The following LRRC4C variants were observed in gnomAD, a reference collection of about 807,000 sequenced individuals.
LRRC4C encodes the protein leucine-rich repeat-containing protein 4C.
LRRC4C carries 5 observed loss-of-function variants against 33.6 expected under a neutral mutation model. The observed-to-expected ratio is 0.15, with a 90% CI of 0.08 to 0.31. LRRC4C has a LOEUF of 0.31. Among genes scored for constraint, LRRC4C ranks in the 10% least tolerant of loss-of-function variants. The probability of loss-of-function intolerance (pLI) is 1.00; values close to 1 mark genes in which losing one functional copy is unlikely to be tolerated. For missense variants in LRRC4C, 560 were observed against 796.7 expected (o/e 0.70, Z 3.58); for synonymous variants, 329 against 302.0 (o/e 1.09, Z -0.93).
chr11:40,222,582 C>T (rs1055886954), intron 5 of LRRC4C, among the ~76,000 whole-genome samples: 3 of 152,280 alleles, frequency 2.0e-5, no homozygotes, highest in African/African-American at 7.2e-5. Context: ...TTTTCTCTAC[C>T]TCTGGGCATT....
At chr11:41,099,142 T>A (rs1388093733) in intron 1 of LRRC4C, among the ~76,000 whole-genome samples, 1 of 151,846 alleles carries the variant, frequency 6.6e-6, no homozygotes, top group Non-Finnish European at 1.5e-5. Flanking sequence ...TAGTAAGAAA[T>A]TGACTCCTGG....
intron 1 of LRRC4C, among the ~76,000 whole-genome samples, chr11:41,221,802 T>C (rs1405959160): frequency 2.0e-5 from 3 of 152,250 alleles, no homozygotes; most frequent in Non-Finnish European, 4.4e-5. Flanking sequence ...AGAGCTCAAC[T>C]GGCATAGAGA....
At chr11:40,653,733 A>G (rs1364231026) in intron 2 of LRRC4C, among the ~76,000 whole-genome samples, 3 of 152,238 alleles carry the variant, frequency 2.0e-5, no homozygotes, top group Admixed American at 1.3e-4. Context: ...AGAAATTTGC[A>G]TAAGTAATGA....
intron 3 of LRRC4C, among the ~76,000 whole-genome samples, chr11:40,423,499 C>T (rs1171095679): frequency 6.6e-6 from 1 of 151,904 alleles, no homozygotes; most frequent in Non-Finnish European, 1.5e-5. Flanking sequence ...CGCCCGCTAC[C>T]ACGCCCGGCT....
chr11:40,688,598 C>T (rs955794690), intron 2 of LRRC4C, among the ~76,000 whole-genome samples: 5 of 151,968 alleles, frequency 3.3e-5, no homozygotes, highest in East Asian at 1.9e-4. Flanking sequence ...GCTGAGAGTC[C>T]GATTGCTGCA....
intron 3 of LRRC4C, among the ~76,000 whole-genome samples, chr11:40,592,793 T>C (rs899683985): frequency 1.3e-5 from 2 of 152,134 alleles, no homozygotes; most frequent in Non-Finnish European, 2.9e-5. Flanking sequence ...GAAAGGTAAA[T>C]AGCAGTCTTA....
chr11:41,349,325 C>T (rs1951899372), intron 1 of LRRC4C, among the ~76,000 whole-genome samples: 1 of 152,178 alleles, frequency 6.6e-6, no homozygotes. Context: ...GGTGCACATG[C>T]ATGGAAGACA....
chr11:40,809,637 G>A (rs1951402029), intron 2 of LRRC4C, among the ~76,000 whole-genome samples: 1 of 151,960 alleles, frequency 6.6e-6, no homozygotes, highest in Non-Finnish European at 1.5e-5. Context: ...GCAACGTATT[G>A]TTTGTTTCAC....
rs145535800 is a variant in LRRC4C at position 40,492,590 on chromosome 11, G to T, written c.-270+155552C>A. Among the ~76,000 whole-genome samples the T allele has an allele frequency of 5.3e-5, 8 of 152,144 alleles. No homozygotes were observed. In the East Asian group the frequency reaches 1.5e-3, roughly 29 times the overall value. On this transcript the variant is annotated intron_variant, in intron 3 of 6. Transcript: ENST00000528697. Reference sequence around the variant, plus strand: ...CTGCACCTAGGCTGTTGAATAGGCTGGTTTCAAACAATTCAACTGTTTCTT... The same window carrying T: ...CTGCACCTAGGCTGTTGAATAGGCTTGTTTCAAACAATTCAACTGTTTCTT...
chr11:40,937,536 T>C (rs982681555), intron 1 of LRRC4C, among the ~76,000 whole-genome samples: 1 of 151,974 alleles, frequency 6.6e-6, no homozygotes, highest in Admixed American at 6.6e-5. Flanking sequence ...CATCACTTTG[T>C]TGCATAACTC....
intron 5 of LRRC4C, among the ~76,000 whole-genome samples, chr11:40,221,541 G>A (rs952993235): frequency 2.0e-5 from 3 of 152,016 alleles, no homozygotes; most frequent in Admixed American, 6.6e-5. Flanking sequence ...TATTTAGCCA[G>A]GTATAATACT....
chr11:40,565,695 A>T (rs1957730755), intron 3 of LRRC4C, among the ~76,000 whole-genome samples: 1 of 151,948 alleles, frequency 6.6e-6, no homozygotes, highest in Non-Finnish European at 1.5e-5. Flanking sequence ...ATTTCCTTCT[A>T]ATAATTTTTT....
At chr11:40,380,403 AGCT>A (rs1026044963) in intron 3 of LRRC4C, among the ~76,000 whole-genome samples, 1 of 152,198 alleles carries the variant, frequency 6.6e-6, no homozygotes, top group African/African-American at 2.4e-5. Flanking sequence ...TGGAAAATTA[AGCT>A]GGGAAACTGG....
chr11:41,141,747 C>T (rs1943516848), intron 1 of LRRC4C, among the ~76,000 whole-genome samples: 1 of 152,070 alleles, frequency 6.6e-6, no homozygotes, highest in South Asian at 2.1e-4. Flanking sequence ...CTGAGGACTC[C>T]CCAGCCCTGA....
At chr11:40,623,003 G>T (rs1962599615) in intron 3 of LRRC4C, among the ~76,000 whole-genome samples, 1 of 151,718 alleles carries the variant, frequency 6.6e-6, no homozygotes, top group Non-Finnish European at 1.5e-5. Flanking sequence ...ATAATGGGAT[G>T]ATTTTAAGTT....
chr11:41,018,629 T>C (rs1357044822), intron 1 of LRRC4C, among the ~76,000 whole-genome samples: 1 of 152,168 alleles, frequency 6.6e-6, no homozygotes, highest in Non-Finnish European at 1.5e-5. Flanking sequence ...CAAGGCCCCT[T>C]AACCTCTACA....
At chr11:40,891,411 A>G (rs1483062621) in intron 2 of LRRC4C, among the ~76,000 whole-genome samples, 1 of 152,200 alleles carries the variant, frequency 6.6e-6, no homozygotes, top group Admixed American at 6.5e-5. Context: ...AGCAATCTAC[A>G]AATTCAATAC....
intron 2 of LRRC4C, among the ~76,000 whole-genome samples, chr11:40,796,768 A>G (rs1950849212): frequency 1.3e-5 from 2 of 150,428 alleles, no homozygotes; most frequent in Non-Finnish European, 3.0e-5. Flanking sequence ...TGCCTCAGCC[A>G]CATGAGTAAC....
At chr11:40,190,521 T>C (rs1366893137) in intron 5 of LRRC4C, among the ~76,000 whole-genome samples, 1 of 152,250 alleles carries the variant, frequency 6.6e-6, no homozygotes, top group Non-Finnish European at 1.5e-5. Flanking sequence ...TGCTGAATTC[T>C]AGATATGTTT....
Sources: allele counts gnomAD v4.1 joint callset (sites outside exome capture counted in the v4.1 genomes callset), GRCh38; gene constraint gnomAD v4.1.1; transcripts MANE v1.5; gene names NCBI Gene and HGNC (gene_info 2026-07-23, HGNC 2026-07-21).